The following DACH1 variants were observed in gnomAD, a reference collection of about 807,000 sequenced individuals.
The protein encoded by DACH1 is dachshund family transcription factor 1, also known as dachshund homolog 1.
Under a neutral mutation model 54.2 loss-of-function variants are expected in DACH1, and 12 were observed. The ratio of observed to expected loss-of-function variants is 0.22; its 90% confidence interval spans 0.14 to 0.36. The LOEUF (loss-of-function observed/expected upper bound fraction) is 0.36, where lower values mean the gene tolerates loss of function less well. Among genes scored for constraint, DACH1 ranks in the 10% least tolerant of loss-of-function variants. DACH1 has a pLI of 1.00. For missense variants in DACH1, 805 were observed against 929.8 expected, an observed-to-expected ratio of 0.87 and a Z score of 1.75; for synonymous variants, 386 against 366.2, an observed-to-expected ratio of 1.05 and a Z score of -0.62.
chr13:71,571,778 C>A (rs1182126387), intron 4 of DACH1, among the ~76,000 whole-genome samples: 7 of 150,544 alleles, frequency 4.6e-5, no homozygotes, highest in East Asian at 3.9e-4. Flanking sequence ...CTGTGTCACC[C>A]AGGCTGGAGT....
chr13:71,737,005 C>T (rs952507045), intron 1 of DACH1, among the ~76,000 whole-genome samples: 1 of 152,148 alleles, frequency 6.6e-6, no homozygotes, highest in Admixed American at 6.5e-5. Context: ...AATCCCAGCT[C>T]TTTGGCAGGC....
chr13:71,543,456 ACAT>A (rs955169061), intron 6 of DACH1, among the ~76,000 whole-genome samples: 6 of 152,256 alleles, frequency 3.9e-5, no homozygotes, highest in African/African-American at 1.4e-4. Context: ...AGAGGAAAAA[ACAT>A]CAAAAAACTC....
chr13:71,638,776 T>C (rs1389686890), intron 2 of DACH1, among the ~76,000 whole-genome samples: 1 of 152,182 alleles, frequency 6.6e-6, no homozygotes, highest in Non-Finnish European at 1.5e-5. Flanking sequence ...TTTTGTGCAT[T>C]AAATACACTT....
chr13:71,655,978 A>T (rs1405100843), intron 2 of DACH1, among the ~76,000 whole-genome samples: 1 of 152,222 alleles, frequency 6.6e-6, no homozygotes, highest in Non-Finnish European at 1.5e-5. Flanking sequence ...AGTAGAAAGT[A>T]ATTTTTAATT....
Position 71,820,605 on chromosome 13 carries a change from G to A in DACH1, c.848+45317C>T, listed in dbSNP as rs373829560. On this transcript the variant is annotated intron_variant, in intron 1 of 10. Coordinates refer to ENST00000613252, the MANE Select transcript of DACH1 (RefSeq NM_080759.6). ...ATCATGAGTTAAAAAAACAGAATTCGGTATATGTCAAATTAAAATATTAAT... is the reference window on the plus strand; with the variant it reads ...ATCATGAGTTAAAAAAACAGAATTCAGTATATGTCAAATTAAAATATTAAT... 1.1e-4 allele frequency among the ~76,000 whole-genome samples: 17 copies of A among 151,960 alleles called. No individual in the cohort carries two copies. In the South Asian group the frequency reaches 1.2e-3, roughly 11 times the overall value.
intron 1 of DACH1, among the ~76,000 whole-genome samples, chr13:71,846,728 C>A (rs1279207717): frequency 2.6e-5 from 4 of 152,160 alleles, no homozygotes; most frequent in Non-Finnish European, 1.5e-5. Flanking sequence ...TTCTTGGGTT[C>A]TATTACCTCT....
intron 1 of DACH1, among the ~76,000 whole-genome samples, chr13:71,807,657 ATCTTTGG>A (rs1887561452): frequency 2.0e-5 from 3 of 152,196 alleles, no homozygotes; most frequent in African/African-American, 7.2e-5. Context: ...CTAATAATGT[ATCTTTGG>A]TCACTACATC....
At chr13:71,832,588 T>C (rs982100633) in intron 1 of DACH1, among the ~76,000 whole-genome samples, 8 of 151,920 alleles carry the variant, frequency 5.3e-5, no homozygotes, top group African/African-American at 1.9e-4. Flanking sequence ...AATAGAAAAT[T>C]ATACTTAAAA....
At chr13:71,552,800 T>C (rs1439649719) in intron 6 of DACH1, among the ~76,000 whole-genome samples, 1 of 12,076 alleles carries the variant, frequency 8.3e-5, no homozygotes, top group Non-Finnish European at 1.4e-4. Flanking sequence ...TGAATATATA[T>C]ATATATATAT....
chr13:71,513,679 G>A (rs943050326), intron 6 of DACH1, among the ~76,000 whole-genome samples: 1 of 152,038 alleles, frequency 6.6e-6, no homozygotes, highest in East Asian at 1.9e-4. Flanking sequence ...TTGCTTGAAA[G>A]CATCATATTA....
intron 7 of DACH1, among the ~76,000 whole-genome samples, chr13:71,481,639 A>G (rs1878037533): frequency 6.6e-6 from 1 of 152,242 alleles, no homozygotes; most frequent in African/African-American, 2.4e-5. Context: ...GTATCAGTGC[A>G]TATCAGTAGG....
At chr13:71,592,356 G>A (rs750871149) in intron 3 of DACH1, among the ~76,000 whole-genome samples, 62 of 151,722 alleles carry the variant, frequency 4.1e-4, no homozygotes, top group Middle Eastern at 6.8e-3. Context: ...CTAGCTGGGC[G>A]TGGTGACATC....
At chr13:71,510,944 C>A (rs370825559) in intron 6 of DACH1, among the ~76,000 whole-genome samples, 2 of 151,648 alleles carry the variant, frequency 1.3e-5, no homozygotes, top group African/African-American at 2.4e-5. Context: ...AAAACCTGAA[C>A]CTTAAAGAGA....
At chr13:71,614,853 CAAAAAAAAA>C (rs397978208) in intron 3 of DACH1, among the ~76,000 whole-genome samples, 1 of 48,926 alleles carries the variant, frequency 2.0e-5, no homozygotes, top group Admixed American at 2.2e-4. Context: ...AACTCTATCT[CAAAAAAAAA>C]AAAAAAAAAA....
intron 2 of DACH1, among the ~76,000 whole-genome samples, chr13:71,638,733 G>T (rs1326133177): frequency 6.6e-6 from 1 of 152,062 alleles, no homozygotes; most frequent in African/African-American, 2.4e-5. Flanking sequence ...CAATAAGGAT[G>T]TTAGCAAAAG....
At chr13:71,773,810 G>A (rs1885954326) in intron 1 of DACH1, among the ~76,000 whole-genome samples, 1 of 151,914 alleles carries the variant, frequency 6.6e-6, no homozygotes, top group Non-Finnish European at 1.5e-5. Context: ...TATTATCATT[G>A]AGAATATATC....
At chr13:71,526,887 G>C (rs1258264421) in intron 6 of DACH1, among the ~76,000 whole-genome samples, 1 of 151,802 alleles carries the variant, frequency 6.6e-6, no homozygotes, top group Non-Finnish European at 1.5e-5. Flanking sequence ...GTCTTCCTGA[G>C]CTGTCTCCTT....
chr13:71,455,292 A>G (rs184159890), intron 10 of DACH1, among the ~76,000 whole-genome samples: 94 of 152,230 alleles, frequency 6.2e-4, no homozygotes, highest in Non-Finnish European at 8.7e-4. Context: ...CCATATATAG[A>G]GATAGATAGA....
At chr13:71,655,777 A>G (rs932572765) in intron 2 of DACH1, among the ~76,000 whole-genome samples, 17 of 152,168 alleles carry the variant, frequency 1.1e-4, no homozygotes, top group African/African-American at 3.9e-4. Context: ...AAATCAGAAT[A>G]CTATTTCACT....
Sources: allele counts gnomAD v4.1 joint callset (sites outside exome capture counted in the v4.1 genomes callset), GRCh38; gene constraint gnomAD v4.1.1; transcripts MANE v1.5; gene names NCBI Gene and HGNC (gene_info 2026-07-23, HGNC 2026-07-21).